PTPRM: variants seen among roughly 807,000 people sequenced by gnomAD.
The protein encoded by PTPRM is receptor-type tyrosine-protein phosphatase mu.
Under a neutral mutation model 186.7 loss-of-function variants are expected in PTPRM, and 47 were observed. That is an observed-to-expected ratio of 0.25 (90% CI 0.20 to 0.32). PTPRM has a LOEUF of 0.32. Ranked by LOEUF, PTPRM falls within the 10% of genes least tolerant of loss-of-function variation. The pLI, the probability that PTPRM is intolerant of heterozygous loss-of-function variation, is 1.00. For synonymous variants in PTPRM, 668 were observed against 674.9 expected (o/e 0.99, Z 0.16); for missense variants, 1,494 against 1,865.0 (o/e 0.80, Z 3.66).
intron 11 of PTPRM, among the ~76,000 whole-genome samples, chr18:8,105,912 T>G (rs1483852642): frequency 6.6e-6 from 1 of 151,604 alleles, no homozygotes; most frequent in Non-Finnish European, 1.5e-5. Context: ...GCCTAAGGAG[T>G]GATTATAGAC....
At chr18:8,315,570 A>T (rs1209177816) in intron 21 of PTPRM, among the ~76,000 whole-genome samples, 1 of 152,200 alleles carries the variant, frequency 6.6e-6, no homozygotes, top group African/African-American at 2.4e-5. Flanking sequence ...TGTTACCTCC[A>T]AGGCCCGAGT....
chr18:7,834,649 C>G (rs1178795009), intron 2 of PTPRM, among the ~76,000 whole-genome samples: 1 of 151,112 alleles, frequency 6.6e-6, no homozygotes, highest in Non-Finnish European at 1.5e-5. Flanking sequence ...ACTCCATCCT[C>G]CTCTGTTTTT....
At chr18:7,994,969 C>T (rs1363682535) in intron 7 of PTPRM, among the ~76,000 whole-genome samples, 1 of 151,778 alleles carries the variant, frequency 6.6e-6, no homozygotes, top group Non-Finnish European at 1.5e-5. Context: ...TAATAAATAT[C>T]AGAGCAGAAC....
At chr18:7,579,617 G>A (rs756569834) in intron 1 of PTPRM, among the ~76,000 whole-genome samples, 2 of 152,166 alleles carry the variant, frequency 1.3e-5, no homozygotes. Context: ...AGTAAATGTG[G>A]CATCACTCTG....
chr18:7,722,951 A>G (rs2040476591), intron 1 of PTPRM, among the ~76,000 whole-genome samples: 1 of 152,218 alleles, frequency 6.6e-6, no homozygotes, highest in African/African-American at 2.4e-5. Context: ...GGTCTGAGCC[A>G]CTTGAAAACC....
In PTPRM at chr18:7,612,020, C is replaced by T. The variant is rs905598580; in HGVS notation, c.73+44129C>T. ...CAAAATTGTCTAACTATACGTTTCT[C>T]AGAACGTGTCCCTGTCATTGACACA... is the stretch of plus-strand genomic sequence containing the variant. On this transcript the variant is annotated intron_variant, in intron 1 of 32. Coordinates refer to ENST00000580170, the MANE Select transcript of PTPRM (RefSeq NM_001105244.2). Among the ~76,000 whole-genome samples, 5 of 152,194 alleles carry T rather than the reference C, an allele frequency of 3.3e-5. No individual in the cohort carries two copies. The South Asian group carries it at 6.2e-4, about 19-fold the overall frequency.
At chr18:8,212,045 AG>A (rs1403949855) in intron 14 of PTPRM, among the ~76,000 whole-genome samples, 2 of 152,100 alleles carry the variant, frequency 1.3e-5, no homozygotes, top group African/African-American at 4.8e-5. Context: ...CTGGGTGAGA[AG>A]AGAGACCAGG....
intron 19 of PTPRM, among the ~76,000 whole-genome samples, chr18:8,255,542 C>G (rs564926476): frequency 6.6e-6 from 1 of 152,010 alleles, no homozygotes; most frequent in African/African-American, 2.4e-5. Context: ...TTGCAGAAAA[C>G]TTTTTCTCAT....
intron 1 of PTPRM, among the ~76,000 whole-genome samples, chr18:7,710,183 A>G (rs2040182844): frequency 6.6e-6 from 1 of 152,220 alleles, no homozygotes; most frequent in Non-Finnish European, 1.5e-5. Context: ...CAGCGTATCA[A>G]AAAGATAATA....
chr18:8,027,342 G>A (rs1190919687), intron 7 of PTPRM, among the ~76,000 whole-genome samples: 1 of 152,190 alleles, frequency 6.6e-6, no homozygotes, highest in African/African-American at 2.4e-5. Flanking sequence ...TTAGTGAGAT[G>A]GCCTGATATT....
intron 7 of PTPRM, among the ~76,000 whole-genome samples, chr18:8,050,664 C>G (rs1568252343): frequency 6.6e-6 from 1 of 152,086 alleles, no homozygotes; most frequent in Non-Finnish European, 1.5e-5. Flanking sequence ...GAAAGTGTAT[C>G]TTTTTATCAT....
chr18:7,772,444 C>CCCTTCCCCTT (rs1555673555), intron 1 of PTPRM, among the ~76,000 whole-genome samples: 1 of 92,352 alleles, frequency 1.1e-5, no homozygotes, highest in African/African-American at 5.2e-5. Context: ...CTTCCCCTTC[C>CCCTTCCCCTT]CCTTCCTTCC....
rs990289274 is a variant in PTPRM, at chr18:8,138,336, C to G, written c.2168-5311C>G. On this transcript the variant is annotated intron_variant, in intron 13 of 32. Transcript: ENST00000580170. ...ACCCTCACTGTTGGCTCGTGGCCAT[C>G]AGGATTGCTCTCACTGGCCCACCTT... Among the ~76,000 whole-genome samples the G allele has an allele frequency of 4.3e-4, 66 of 152,014 alleles. 2 individuals are homozygous for G. Among genetic ancestry groups the G allele is most frequent in the Admixed American group, 4.3e-3 (65 of 15,270 alleles).
intron 7 of PTPRM, among the ~76,000 whole-genome samples, chr18:7,962,436 C>A (rs2053744442): frequency 6.6e-6 from 1 of 152,080 alleles, no homozygotes; most frequent in Admixed American, 6.5e-5. Flanking sequence ...TCTCAGTGTG[C>A]CTTATGTAGT....
intron 1 of PTPRM, among the ~76,000 whole-genome samples, chr18:7,622,908 A>T (rs1414247691): frequency 6.6e-6 from 1 of 152,216 alleles, no homozygotes; most frequent in Admixed American, 6.5e-5. Flanking sequence ...AACAAGCCAA[A>T]GTTCAGCCAA....
chr18:8,022,431 C>A (rs1226868683), intron 7 of PTPRM, among the ~76,000 whole-genome samples: 2 of 152,190 alleles, frequency 1.3e-5, no homozygotes, highest in African/African-American at 4.8e-5. Context: ...TTTTCTAAGT[C>A]TTTTCTGCTA....
chr18:8,051,626 T>A (rs1301235703), intron 7 of PTPRM, among the ~76,000 whole-genome samples: 1 of 152,250 alleles, frequency 6.6e-6, no homozygotes, highest in East Asian at 1.9e-4. Context: ...CTTGTTTTTT[T>A]AATTCAATAT....
At chr18:8,387,282 A>G (rs779357077) in intron 31 of PTPRM, 47 bp downstream of exon 31, 5 of 1,548,006 alleles carry the variant, frequency 3.2e-6, no homozygotes, top group South Asian at 1.2e-5. Context: ...GAGGCCCCAC[A>G]CTCACTCTCA....
At chr18:8,248,288 C>T (rs761365511) in intron 17 of PTPRM, 112 bp downstream of exon 17, 6 of 1,055,946 alleles carry the variant, frequency 5.7e-6, no homozygotes, top group East Asian at 2.4e-5. Context: ...ATTATAAGCA[C>T]GACATGTGGG....
Sources: gnomAD v4.1 joint callset for allele counts (sites outside exome capture counted in the v4.1 genomes callset) on GRCh38, gnomAD v4.1.1 for gene constraint, MANE v1.5 for transcripts, NCBI Gene and HGNC (gene_info 2026-07-23, HGNC 2026-07-21) for gene names.